The following TOX variants were observed in gnomAD, a reference collection of about 807,000 sequenced individuals.
TOX encodes thymocyte selection-associated high mobility group box protein TOX.
A neutral mutation model predicts 53.7 loss-of-function variants in TOX; 11 were observed. That is an observed-to-expected ratio of 0.20 (90% CI 0.13 to 0.34). The LOEUF (loss-of-function observed/expected upper bound fraction) is 0.34. Ranked by LOEUF, TOX falls within the 10% of genes least tolerant of loss-of-function variation. The pLI, the probability that TOX is intolerant of heterozygous loss-of-function variation, is 1.00. For synonymous variants in TOX, 225 were observed against 245.3 expected (o/e 0.92, Z 0.77); for missense variants, 570 against 664.6 (o/e 0.86, Z 1.56).
At chr8:58,891,066 T>C (rs1563380840) in intron 3 of TOX, among the ~76,000 whole-genome samples, 2 of 152,142 alleles carry the variant, frequency 1.3e-5, no homozygotes, top group South Asian at 4.2e-4. Flanking sequence ...AAATTGATGG[T>C]ATCTAGGGAT....
intron 3 of TOX, among the ~76,000 whole-genome samples, chr8:58,929,804 C>T (rs576162908): frequency 5.9e-5 from 9 of 152,168 alleles, no homozygotes; most frequent in Admixed American, 2.0e-4. Flanking sequence ...GTTTAATAGA[C>T]ATCAATTTTT....
At chr8:58,999,738 G>C (rs78093956) in intron 1 of TOX, among the ~76,000 whole-genome samples, 3 of 152,108 alleles carry the variant, frequency 2.0e-5, no homozygotes. Flanking sequence ...TTTAGGAAGA[G>C]GTATGGGGAG....
intron 1 of TOX, among the ~76,000 whole-genome samples, chr8:59,098,308 A>T (rs1804748486): frequency 6.6e-6 from 1 of 152,212 alleles, no homozygotes; most frequent in African/African-American, 2.4e-5. Context: ...ATTCTAGAAT[A>T]TTCACTTCTA....
At chr8:58,847,935 A>G (rs944516366) in intron 4 of TOX, among the ~76,000 whole-genome samples, 1 of 152,174 alleles carries the variant, frequency 6.6e-6, no homozygotes, top group Non-Finnish European at 1.5e-5. Context: ...TGTTCCCTGC[A>G]GACCTTCATG....
At chr8:58,809,236 A>G (rs1810038632) in intron 7 of TOX, among the ~76,000 whole-genome samples, 1 of 152,228 alleles carries the variant, frequency 6.6e-6, no homozygotes, top group South Asian at 2.1e-4. Flanking sequence ...CCACTAAGAA[A>G]TCAAGAGATT....
chr8:58,870,260 G>T (rs1811175582), intron 3 of TOX, among the ~76,000 whole-genome samples: 1 of 152,100 alleles, frequency 6.6e-6, no homozygotes, highest in Admixed American at 6.5e-5. Flanking sequence ...TATACCAGGA[G>T]TGAAAATTTG....
At chr8:58,954,087 T>A (rs1287682136) in intron 2 of TOX, among the ~76,000 whole-genome samples, 21 of 152,348 alleles carry the variant, frequency 1.4e-4, no homozygotes, top group African/African-American at 5.0e-4. Flanking sequence ...ACCATTGCAT[T>A]GCTGATGATA....
chr8:59,079,826 G>A (rs1196311479), intron 1 of TOX, among the ~76,000 whole-genome samples: 1 of 152,138 alleles, frequency 6.6e-6, no homozygotes, highest in Non-Finnish European at 1.5e-5. Flanking sequence ...CACACTCTGA[G>A]CCTGGAAAAG....
chr8:58,897,425 G>T (rs1811669691), intron 3 of TOX, among the ~76,000 whole-genome samples: 1 of 152,118 alleles, frequency 6.6e-6, no homozygotes, highest in South Asian at 2.1e-4. Flanking sequence ...GTCCAGGAGG[G>T]CATAATCCAT....
intron 1 of TOX, among the ~76,000 whole-genome samples, chr8:59,046,917 G>A (rs1803695169): frequency 6.7e-6 from 1 of 150,000 alleles, no homozygotes; most frequent in Non-Finnish European, 1.5e-5. Context: ...AGGACACTCT[G>A]GACATGCAGT....
At chr8:58,861,628 A>G (rs1292429317) in intron 3 of TOX, among the ~76,000 whole-genome samples, 1 of 152,212 alleles carries the variant, frequency 6.6e-6, no homozygotes, top group African/African-American at 2.4e-5. Context: ...ATGGATTGGA[A>G]GTGTAGGTTA....
At chr8:58,930,865 C>G (rs1285466203) in intron 3 of TOX, among the ~76,000 whole-genome samples, 1 of 152,202 alleles carries the variant, frequency 6.6e-6, no homozygotes, top group Non-Finnish European at 1.5e-5. Flanking sequence ...GAAGTTATAA[C>G]TAATGACTGA....
intron 1 of TOX, among the ~76,000 whole-genome samples, chr8:59,093,721 C>T (rs961740361): frequency 6.6e-6 from 1 of 152,140 alleles, no homozygotes; most frequent in African/African-American, 2.4e-5. Flanking sequence ...ACATATATGG[C>T]CTCAGTTAAA....
chr8:58,923,700 T>C (rs1422240101), intron 3 of TOX, among the ~76,000 whole-genome samples: 1 of 152,198 alleles, frequency 6.6e-6, no homozygotes, highest in African/African-American at 2.4e-5. Flanking sequence ...TGCTAGACAC[T>C]GGAGGGCAGG....
At chr8:58,914,748 C>T (rs886785533) in intron 3 of TOX, among the ~76,000 whole-genome samples, 10 of 137,818 alleles carry the variant, frequency 7.3e-5, no homozygotes, top group African/African-American at 9.9e-5. Flanking sequence ...CCAGCGTGAG[C>T]GACGCAGAAG....
chr8:58,807,781 C>T lies in TOX; in HGVS notation c.1547G>A (p.Gly516Asp). The change falls in exon 9 of 9, where the codon GGC (glycine) becomes GAC (aspartate). Residue 516 changes from glycine to aspartate, a missense_variant and splice_region_variant. Around this residue, in one of 3 missense-constraint regions of TOX, gnomAD observed 239 missense variants for 250.7 expected, o/e 0.95. Coordinates refer to ENST00000361421, the MANE Select transcript of TOX (RefSeq NM_014729.3). The part of the protein sequence containing the change: ...DWNNDYCSSG[G>D]MQRDKALYLT ...GTACAGTGCTTTGTCCCTCTGCATG[C>T]CCCTGTAGGAAGAGAAAAAAGACAG... The T allele has an allele frequency of 6.2e-7, 1 of 1,614,088 alleles. No individual in the cohort carries two copies. Among genetic ancestry groups the T allele is most frequent in the Non-Finnish European group, 8.5e-7 (1 of 1,179,966 alleles).
chr8:59,029,950 C>T (rs916550355), intron 1 of TOX, among the ~76,000 whole-genome samples: 3 of 152,158 alleles, frequency 2.0e-5, no homozygotes, highest in African/African-American at 4.8e-5. Context: ...TAATTTGCTT[C>T]ACAGGGTTTC....
intron 1 of TOX, among the ~76,000 whole-genome samples, chr8:59,034,371 C>T (rs1181483734): frequency 2.6e-5 from 4 of 152,232 alleles, no homozygotes; most frequent in Non-Finnish European, 5.9e-5. Flanking sequence ...TGAGGTTAGG[C>T]ATCTACTCCC....
At chr8:58,920,721 T>TAAAAAAAAAAAAAAAAAAAAAAAAATAA (rs5891703) in intron 3 of TOX, among the ~76,000 whole-genome samples, 1 of 81,066 alleles carries the variant, frequency 1.2e-5, no homozygotes, top group Non-Finnish European at 2.2e-5. Flanking sequence ...AAAAAAACAT[T>TAAAAAAAAAAAAAAAAAAAAAAAAATAA]AAAAAAAAAA....
Sources: gnomAD v4.1 joint callset for allele counts (sites outside exome capture counted in the v4.1 genomes callset) on GRCh38, gnomAD v4.1.1 for gene constraint, gnomAD v4.1.1 regional missense constraint, MANE v1.5 for transcripts, NCBI Gene and HGNC (gene_info 2026-07-23, HGNC 2026-07-21) for gene names.